STK4: variants seen among roughly 807,000 people sequenced by gnomAD.
The protein encoded by STK4 is serine/threonine-protein kinase 4.
In STK4, 30 loss-of-function variants were observed where a neutral mutation model predicts 64.9. That is an observed-to-expected ratio of 0.46 (90% confidence interval 0.35 to 0.63). The LOEUF is 0.63. STK4 is among the 20% of genes least tolerant of loss of function. The pLI, the probability that STK4 is intolerant of heterozygous loss-of-function variation, is 0.01. For synonymous variants in STK4, 177 were observed against 199.0 expected (o/e 0.89, Z 0.93); for missense variants, 466 against 598.5 (o/e 0.78, Z 2.31).
intron 9 of STK4, among the ~76,000 whole-genome samples, chr20:45,018,505 A>C (rs1461010043): frequency 6.6e-6 from 1 of 152,114 alleles, no homozygotes; most frequent in African/African-American, 2.4e-5. Flanking sequence ...GACTACCTAG[A>C]CATTATGTTG....
At chr20:45,059,959 AC>A (rs1371487233) in intron 10 of STK4, among the ~76,000 whole-genome samples, 7 of 152,212 alleles carry the variant, frequency 4.6e-5, no homozygotes, top group Non-Finnish European at 1.0e-4. Context: ...GCTTGAGAGA[AC>A]CCAGTAAAAA....
At chr20:44,974,254 T>A (rs2145635886) in intron 2 of STK4, 1 of 152,220 alleles carries the variant, frequency 6.6e-6, no homozygotes, top group East Asian at 1.9e-4. Context: ...CTGCAAGGAA[T>A]GTGGAAATTT....
chr20:45,045,794 CT>C (rs35984358), intron 10 of STK4, among the ~76,000 whole-genome samples: 79,744 of 150,138 alleles, frequency 0.53, 22,001 homozygotes, highest in African/African-American at 0.68. Flanking sequence ...CAGAAAGTGT[CT>C]TTTTTTTTTG....
chr20:44,967,606 A>C (rs987388260), intron 1 of STK4, among the ~76,000 whole-genome samples: 1 of 152,172 alleles, frequency 6.6e-6, no homozygotes, highest in South Asian at 2.1e-4. Context: ...GGTTACTTCT[A>C]TTTCACAGAG....
chr20:45,007,149 A>G (rs571740502), intron 9 of STK4, among the ~76,000 whole-genome samples: 1 of 152,194 alleles, frequency 6.6e-6, no homozygotes, highest in African/African-American at 2.4e-5. Context: ...AACTGTCTAC[A>G]GAGATGATGT....
At chr20:45,014,380 C>T (rs1026096810) in intron 9 of STK4, among the ~76,000 whole-genome samples, 5 of 151,880 alleles carry the variant, frequency 3.3e-5, no homozygotes, top group African/African-American at 9.7e-5. Flanking sequence ...GGGCCAAGAT[C>T]GTACCACTAC....
chr20:45,075,310 G>A lies in STK4; in HGVS notation c.*134G>A, dbSNP rs116979029. 4.5e-3 allele frequency: 5,388 copies of A among 1,197,316 alleles called. 25 individuals carry two copies. The highest frequency in any genetic ancestry group is 8.4e-3 in the Middle Eastern group (32 of 3,794). 74.2% of individuals were successfully genotyped at this position (1,197,316 alleles called of 1,614,324 possible). On this transcript the variant is annotated 3_prime_UTR_variant, in exon 11 of 11. Coordinates refer to ENST00000372806, the MANE Select transcript of STK4 (RefSeq NM_006282.5). Reference sequence around the variant, plus strand: ...CACCTTTGTGAACTCAGGAATGTGCGCCAGTGGGAAGGGCTCTCTTGACAG... The same window carrying A: ...CACCTTTGTGAACTCAGGAATGTGCACCAGTGGGAAGGGCTCTCTTGACAG...
At chr20:45,051,564 G>A (rs2068777116) in intron 10 of STK4, among the ~76,000 whole-genome samples, 1 of 152,174 alleles carries the variant, frequency 6.6e-6, no homozygotes, top group African/African-American at 2.4e-5. Context: ...GGATTTAGCT[G>A]TGGGTTGATT....
intron 9 of STK4, among the ~76,000 whole-genome samples, chr20:45,020,394 A>G (rs990407104): frequency 6.6e-6 from 1 of 152,042 alleles, no homozygotes; most frequent in Non-Finnish European, 1.5e-5. Context: ...CTAAGTTTCC[A>G]AAGAATAGAA....
At chr20:44,966,834 CTG>C (rs2067159033) in intron 1 of STK4, among the ~76,000 whole-genome samples, 1 of 152,096 alleles carries the variant, frequency 6.6e-6, no homozygotes, top group African/African-American at 2.4e-5. Flanking sequence ...TGTGGTGAGA[CTG>C]TGCTGAGGAA....
chr20:44,971,859 G>A (rs1168921348), intron 1 of STK4, among the ~76,000 whole-genome samples: 1 of 151,804 alleles, frequency 6.6e-6, no homozygotes, highest in African/African-American at 2.4e-5. Flanking sequence ...TTTTAGTGGA[G>A]ACGGGGTTTC....
intron 1 of STK4, 29 bp downstream of exon 1, chr20:44,966,632 C>T: frequency 1.6e-6 from 2 of 1,269,242 alleles, no homozygotes; most frequent in South Asian, 3.2e-5. Context: ...AGAGGACGGG[C>T]ATGGGGTCAG....
chr20:44,968,278 C>T (rs1219198064), intron 1 of STK4, among the ~76,000 whole-genome samples: 3 of 152,198 alleles, frequency 2.0e-5, no homozygotes, highest in African/African-American at 7.2e-5. Context: ...ACTGGGACCA[C>T]AGGTGCGTGC....
chr20:44,989,696 C>A (rs564029091), intron 5 of STK4, among the ~76,000 whole-genome samples: 1 of 152,164 alleles, frequency 6.6e-6, no homozygotes, highest in South Asian at 2.1e-4. Context: ...CCTATGATTT[C>A]TTTGAAGTGT....
At chr20:45,002,922 A>T (rs1339712006) in intron 9 of STK4, among the ~76,000 whole-genome samples, 1 of 152,042 alleles carries the variant, frequency 6.6e-6, no homozygotes, top group Non-Finnish European at 1.5e-5. Flanking sequence ...TTTTCTGATA[A>T]TAACTCTAGA....
At chr20:45,024,234 A>G (rs1388534498) in intron 9 of STK4, among the ~76,000 whole-genome samples, 1 of 151,894 alleles carries the variant, frequency 6.6e-6, no homozygotes, top group East Asian at 1.9e-4. Flanking sequence ...GTTCATGAGA[A>G]GTAAATAAAA....
chr20:45,046,486 G>GT (rs2068697410), intron 10 of STK4, among the ~76,000 whole-genome samples: 1 of 151,090 alleles, frequency 6.6e-6, no homozygotes, highest in Admixed American at 6.6e-5. Flanking sequence ...GAAAACAAAG[G>GT]TATCTATTGT....
Position 44,987,295 on chromosome 20 carries a change from C to T in STK4, c.524C>T (p.Thr175Ile). 6 of 1,606,220 alleles carry T rather than the reference C, an allele frequency of 3.7e-6. No homozygotes were observed. The highest frequency in any genetic ancestry group is 1.7e-4 in the Middle Eastern group (1 of 6,032). ...GATTTTGGGGTAGCAGGTCAACTTA[C>T]AGTAAGTAAAAATATTACTTGTATT... ...LADFGVAGQLTDTMAKRNTVI... is the reference protein window; with the variant it reads ...LADFGVAGQLIDTMAKRNTVI... Residue 175 changes from threonine to isoleucine, a missense_variant and splice_region_variant, in exon 5 of 11, where the codon ACA becomes ATA. Coordinates refer to ENST00000372806, the MANE Select transcript of STK4 (RefSeq NM_006282.5).
intron 10 of STK4, among the ~76,000 whole-genome samples, chr20:45,039,326 C>A (rs1431440003): frequency 1.3e-5 from 2 of 152,128 alleles, no homozygotes; most frequent in East Asian, 1.9e-4. Flanking sequence ...TATAAAAAAA[C>A]CCCACATTCC....
Sources: gnomAD v4.1 joint callset for allele counts (sites outside exome capture counted in the v4.1 genomes callset) on GRCh38, gnomAD v4.1.1 for gene constraint, MANE v1.5 for transcripts, NCBI Gene and HGNC (gene_info 2026-07-23, HGNC 2026-07-21) for gene names.